Variants in ELF2 observed in about 807,000 individuals in gnomAD.
The protein encoded by ELF2 is ETS-related transcription factor Elf-2.
Under a neutral mutation model 54.8 loss-of-function variants are expected in ELF2, and 11 were observed. That is an observed-to-expected ratio of 0.20 (90% CI 0.13 to 0.33). ELF2 has a LOEUF of 0.33. Ranked by LOEUF, ELF2 falls within the 10% of genes least tolerant of loss-of-function variation. The pLI, the probability that ELF2 is intolerant of heterozygous loss-of-function variation, is 1.00. For synonymous variants in ELF2, 203 were observed against 245.1 expected, an observed-to-expected ratio of 0.83 and a Z score of 1.61; for missense variants, 513 against 703.0, an observed-to-expected ratio of 0.73 and a Z score of 3.06.
intron 4 of ELF2, among the ~76,000 whole-genome samples, chr4:139,119,216 A>G (rs910642464): frequency 1.3e-5 from 2 of 152,260 alleles, no homozygotes; most frequent in African/African-American, 4.8e-5. Context: ...GGAAAAATCT[A>G]TGAAATACGT....
At chr4:139,102,304 C>G (rs1371519843) in intron 4 of ELF2, 1 of 144,864 alleles carries the variant, frequency 6.9e-6, no homozygotes, top group Non-Finnish European at 1.5e-5. Context: ...GGGTGGATCA[C>G]GAGGTCAAGA....
chr4:139,137,778 G>C lies in ELF2; in HGVS notation c.-77C>G, dbSNP rs1413035516. 1.3e-6 allele frequency: 2 copies of C among 1,582,080 alleles called. No individual in the cohort carries two copies. Among genetic ancestry groups the C allele is most frequent in the Admixed American group, 1.8e-5 (1 of 55,542 alleles). On this transcript the variant is annotated 5_prime_UTR_variant, in exon 3 of 10. Coordinates refer to ENST00000686138, the MANE Select transcript of ELF2 (RefSeq NM_001331036.3). ...TCACTGATGGTTGCCAGTGTTATAGGTTTGCATTATCATGTTTTAAAAGTC... is the reference window on the plus strand; with the variant it reads ...TCACTGATGGTTGCCAGTGTTATAGCTTTGCATTATCATGTTTTAAAAGTC...
chr4:139,110,258 G>C (rs767186078), intron 4 of ELF2, among the ~76,000 whole-genome samples: 2 of 152,150 alleles, frequency 1.3e-5, no homozygotes, highest in Non-Finnish European at 2.9e-5. Context: ...CACATGCTCT[G>C]GGGTCCTGGT....
chr4:139,108,913 G>GCC (rs1324813833), intron 4 of ELF2, among the ~76,000 whole-genome samples: 1 of 152,114 alleles, frequency 6.6e-6, no homozygotes, highest in African/African-American at 2.4e-5. Flanking sequence ...TATGCTTCCT[G>GCC]CCCCGTGTCT....
chr4:139,059,848 A>C (rs1407743047), intron 9 of ELF2, among the ~76,000 whole-genome samples: 2 of 148,630 alleles, frequency 1.3e-5, no homozygotes, highest in African/African-American at 5.0e-5. Context: ...TAAGACATCT[A>C]CTTTTTTTTT....
At chr4:139,063,307 A>C (rs1728165272) in intron 7 of ELF2, among the ~76,000 whole-genome samples, 1 of 152,100 alleles carries the variant, frequency 6.6e-6, no homozygotes, top group South Asian at 2.1e-4. Flanking sequence ...AACAGATTTA[A>C]AAAAATTTTC....
intron 6 of ELF2, among the ~76,000 whole-genome samples, chr4:139,068,503 G>C (rs1200056796): frequency 6.6e-6 from 1 of 152,180 alleles, no homozygotes; most frequent in Non-Finnish European, 1.5e-5. Flanking sequence ...CTACTGCTCT[G>C]GATCAGTTAA....
chr4:139,091,591 C>T (rs59547167), intron 4 of ELF2, among the ~76,000 whole-genome samples: 7,021 of 152,220 alleles, frequency 0.046, 207 homozygotes, highest in Non-Finnish European at 0.068. Flanking sequence ...TCAAGTGAAC[C>T]TCTCACTTCA....
intron 6 of ELF2, among the ~76,000 whole-genome samples, chr4:139,069,044 A>AT (rs1226895484): frequency 6.6e-6 from 1 of 151,948 alleles, no homozygotes; most frequent in African/African-American, 2.4e-5. Context: ...TAATTTTTGT[A>AT]TTTTTTGTAG....
intron 4 of ELF2, among the ~76,000 whole-genome samples, chr4:139,109,632 A>G (rs780624631): frequency 6.6e-6 from 1 of 152,236 alleles, no homozygotes; most frequent in Non-Finnish European, 1.5e-5. Flanking sequence ...TTCTAAACTT[A>G]TTTAATGAAA....
intron 5 of ELF2, among the ~76,000 whole-genome samples, chr4:139,073,079 C>T (rs72947698): frequency 3.9e-5 from 6 of 152,176 alleles, no homozygotes; most frequent in African/African-American, 1.4e-4. Context: ...TCTGGAGTTA[C>T]TGCCTATTTA....
intron 5 of ELF2, among the ~76,000 whole-genome samples, chr4:139,072,749 C>CTATCTTA (rs2097377276): frequency 6.6e-6 from 1 of 152,130 alleles, no homozygotes; most frequent in Admixed American, 6.5e-5. Context: ...TTAATACATA[C>CTATCTTA]TATCTTAGAT....
rs774054303 is a variant in ELF2 at position 139,125,280 on chromosome 4, G to C, written c.122C>G (p.Pro41Arg). 1.9e-6 allele frequency: 3 copies of C among 1,613,638 alleles called. No homozygotes were observed. In the Admixed American group the frequency reaches 5.0e-5, roughly 27 times the overall value. The stretch of plus-strand genomic sequence containing the variant: ...ATAGCCCTGCTCTAATCTGGCACTT[G>C]GAACTGGCTCCACAATCACTGCTGG... ...EYPAVIVEPV[P>R]SARLEQGYAA... Residue 41 changes from proline to arginine, a missense_variant, in exon 4 of 10, where the codon CCA becomes CGA. Pro to Arg is a moderately radical substitution (Grantham distance 103, BLOSUM62 -2). Coordinates refer to ENST00000686138, the MANE Select transcript of ELF2 (RefSeq NM_001331036.3).
intron 1 of ELF2, among the ~76,000 whole-genome samples, chr4:139,159,010 T>C (rs1740827205): frequency 6.6e-6 from 1 of 152,080 alleles, no homozygotes; most frequent in Non-Finnish European, 1.5e-5. Flanking sequence ...GGCCGGTCCG[T>C]TATCGGACTG....
intron 4 of ELF2, among the ~76,000 whole-genome samples, chr4:139,123,071 C>T (rs28375986): frequency 6.6e-6 from 1 of 151,328 alleles, no homozygotes; most frequent in African/African-American, 2.4e-5. Flanking sequence ...GTAGTCCCAG[C>T]TACTGGGGAG....
chr4:139,093,744 G>GTA (rs1429247882), intron 4 of ELF2, among the ~76,000 whole-genome samples: 33 of 152,176 alleles, frequency 2.2e-4, no homozygotes, highest in African/African-American at 7.7e-4. Context: ...GCTTAACGTG[G>GTA]TATACATTAT....
rs1377595132 is a variant in ELF2 at position 139,084,411 on chromosome 4, CGGCAGG to C, written c.239-10850_239-10845del. On this transcript the variant is annotated intron_variant, in intron 4 of 9. Coordinates refer to ENST00000686138, the MANE Select transcript of ELF2 (RefSeq NM_001331036.3). ...CGGGCTGAGAAACCCCACCACCTAA[CGGCAGG>C]GGCAGGGGCGGCAGGGGCAGGGGCG... 8 of 1,374,254 alleles carry C rather than the reference CGGCAGG, an allele frequency of 5.8e-6. No individual in the cohort carries two copies. In the East Asian group the frequency reaches 2.3e-4, roughly 40 times the overall value. 85.1% of individuals were successfully genotyped at this position (1,374,254 alleles called of 1,614,324 possible).
At chr4:139,069,612 T>C (rs891236864) in intron 6 of ELF2, among the ~76,000 whole-genome samples, 3 of 152,080 alleles carry the variant, frequency 2.0e-5, no homozygotes, top group Non-Finnish European at 4.4e-5. Flanking sequence ...ATGGGTTCTA[T>C]AGTCATATTA....
Position 139,154,825 on chromosome 4 carries a change from G to C in ELF2, c.-251-15328C>G, listed in dbSNP as rs113487487. On this transcript the variant is annotated intron_variant, in intron 1 of 9. Coordinates refer to ENST00000686138, the MANE Select transcript of ELF2 (RefSeq NM_001331036.3). ...CGCTGAGCTAGACAAGGCTTAAGTG[G>C]CTATTCCTCTACTCCCCTCTCACAG... Among the ~76,000 whole-genome samples, 1,238 of 152,258 alleles carry C rather than the reference G, an allele frequency of 8.1e-3. 19 individuals carry two copies. The highest frequency in any genetic ancestry group is 0.029 in the African/African-American group (1,185 of 41,538).
Sources: gnomAD v4.1 joint callset for allele counts (sites outside exome capture counted in the v4.1 genomes callset) on GRCh38, gnomAD v4.1.1 for gene constraint, MANE v1.5 for transcripts, NCBI Gene and HGNC (gene_info 2026-07-23, HGNC 2026-07-21) for gene names.